The following RGS7 variants were observed in gnomAD, a reference collection of about 807,000 sequenced individuals.
RGS7 encodes regulator of G-protein signaling 7.
RGS7 carries 27 observed loss-of-function variants against 81.1 expected under a neutral mutation model. That is an observed-to-expected ratio of 0.33 (90% CI 0.25 to 0.46). RGS7 has a LOEUF of 0.46. Ranked by LOEUF, RGS7 falls within the 20% of genes least tolerant of loss-of-function variation. RGS7 has a pLI of 1.00. For missense variants in RGS7, 396 were observed against 607.4 expected (o/e 0.65, Z 3.66); for synonymous variants, 208 against 207.7 (o/e 1.00, Z -0.01).
At chr1:241,156,514 G>GA (rs1284720009) in intron 2 of RGS7, among the ~76,000 whole-genome samples, 2 of 130,882 alleles carry the variant, frequency 1.5e-5, no homozygotes, top group Admixed American at 9.1e-5. Flanking sequence ...TCAAAAAAAA[G>GA]AAAAAAAAGA....
At chr1:241,175,907 A>T (rs546400203) in intron 2 of RGS7, among the ~76,000 whole-genome samples, 2 of 152,358 alleles carry the variant, frequency 1.3e-5, no homozygotes, top group South Asian at 4.1e-4. Flanking sequence ...GAATAAGAAC[A>T]GCTAAACATT....
intron 2 of RGS7, among the ~76,000 whole-genome samples, chr1:241,315,663 G>C (rs546880852): frequency 6.6e-6 from 1 of 152,250 alleles, no homozygotes; most frequent in African/African-American, 2.4e-5. Flanking sequence ...TTTACTCCTT[G>C]TTTTCTGATT....
chr1:241,169,336 C>CTTTTTTTTTTTTTTT (rs57753661), intron 2 of RGS7, among the ~76,000 whole-genome samples: 1 of 74,274 alleles, frequency 1.3e-5, no homozygotes, highest in Non-Finnish European at 2.4e-5. Context: ...ATGTGTGTTT[C>CTTTTTTTTTTTTTTT]TTTTTTTTTT....
At chr1:241,332,973 G>A (rs1438279017) in intron 2 of RGS7, among the ~76,000 whole-genome samples, 1 of 152,180 alleles carries the variant, frequency 6.6e-6, no homozygotes, top group Non-Finnish European at 1.5e-5. Context: ...ATTTCACAAT[G>A]ATGAACAGTG....
intron 9 of RGS7, among the ~76,000 whole-genome samples, chr1:240,829,451 T>A (rs1420067116): frequency 6.6e-6 from 1 of 152,210 alleles, no homozygotes; most frequent in Admixed American, 6.5e-5. Flanking sequence ...CCCGGGGATT[T>A]TAATCTGCAG....
chr1:240,945,051 G>A (rs1318950349), intron 4 of RGS7, among the ~76,000 whole-genome samples: 2 of 152,186 alleles, frequency 1.3e-5, no homozygotes, highest in Admixed American at 6.5e-5. Context: ...TAAATGCAGC[G>A]GGGATCACTA....
intron 2 of RGS7, among the ~76,000 whole-genome samples, chr1:241,259,650 CAA>C (rs71571832): frequency 1.5e-4 from 6 of 39,908 alleles, no homozygotes; most frequent in Admixed American, 5.2e-4. Context: ...AACTCCGTCT[CAA>C]AAAAAAAAAA....
At chr1:240,801,344 CTT>C (rs1038936140) in intron 17 of RGS7, 109 bp downstream of exon 17, 1 of 723,400 alleles carries the variant, frequency 1.4e-6, no homozygotes, top group African/African-American at 1.8e-5. Flanking sequence ...AAAAGAAACA[CTT>C]TTGCTGTTAT....
chr1:241,354,794 G>A (rs2083456460), intron 2 of RGS7, among the ~76,000 whole-genome samples: 1 of 152,086 alleles, frequency 6.6e-6, no homozygotes, highest in Non-Finnish European at 1.5e-5. Flanking sequence ...ACCATTGTTA[G>A]TGTTAACTAA....
intron 6 of RGS7, among the ~76,000 whole-genome samples, chr1:240,897,557 T>C (rs1669296346): frequency 6.6e-6 from 1 of 152,214 alleles, no homozygotes; most frequent in East Asian, 1.9e-4. Context: ...TTTTTGTCTT[T>C]GTTTCTGTTT....
intron 6 of RGS7, among the ~76,000 whole-genome samples, chr1:240,907,918 C>T (rs1168786182): frequency 6.6e-6 from 1 of 151,956 alleles, no homozygotes; most frequent in Non-Finnish European, 1.5e-5. Flanking sequence ...ACATGCCATT[C>T]GTTTTGATTT....
At chr1:240,901,232 T>C (rs1669956049) in intron 6 of RGS7, among the ~76,000 whole-genome samples, 1 of 152,316 alleles carries the variant, frequency 6.6e-6, no homozygotes, top group South Asian at 2.1e-4. Context: ...CCCCGACCCC[T>C]TGTGCTTCCC....
chr1:241,004,416 A>T (rs974496933), intron 3 of RGS7, among the ~76,000 whole-genome samples: 2 of 152,180 alleles, frequency 1.3e-5, no homozygotes, highest in Non-Finnish European at 2.9e-5. Flanking sequence ...AACCTATTTG[A>T]ACAGTATCTG....
chr1:240,811,891 T>C (rs1558289464), intron 14 of RGS7, 27 bp downstream of exon 14: 1 of 1,589,270 alleles, frequency 6.3e-7, no homozygotes, highest in South Asian at 1.1e-5. Flanking sequence ...TTTCTCTGGC[T>C]TATAAGATCC....
chr1:241,208,196 G>T (rs1029979616), intron 2 of RGS7, among the ~76,000 whole-genome samples: 1 of 152,078 alleles, frequency 6.6e-6, no homozygotes, highest in African/African-American at 2.4e-5. Context: ...GAGCCACCGC[G>T]CCTGGACCAT....
chr1:241,202,819 A>G (rs894265107), intron 2 of RGS7, among the ~76,000 whole-genome samples: 1 of 152,080 alleles, frequency 6.6e-6, no homozygotes, highest in African/African-American at 2.4e-5. Flanking sequence ...TTTAGGGGAA[A>G]GGGGTTCTGG....
chr1:241,162,693 G>A (rs2069827557), intron 2 of RGS7, among the ~76,000 whole-genome samples: 1 of 152,158 alleles, frequency 6.6e-6, no homozygotes, highest in Non-Finnish European at 1.5e-5. Flanking sequence ...TTCCTTTGAA[G>A]AGGCAAGGAT....
chr1:241,116,825 T>C (rs901556996), intron 2 of RGS7, among the ~76,000 whole-genome samples: 1 of 152,192 alleles, frequency 6.6e-6, no homozygotes, highest in Non-Finnish European at 1.5e-5. Flanking sequence ...TTTGAAATTA[T>C]ATGATATATG....
intron 9 of RGS7, among the ~76,000 whole-genome samples, chr1:240,831,027 A>C (rs1361282782): frequency 2.0e-5 from 3 of 152,218 alleles, no homozygotes; most frequent in Non-Finnish European, 1.5e-5. Context: ...TTAATAAGAA[A>C]GCATTGATTT....
Sources: gnomAD v4.1 joint callset for allele counts (sites outside exome capture counted in the v4.1 genomes callset) on GRCh38, gnomAD v4.1.1 for gene constraint, MANE v1.5 for transcripts, NCBI Gene and HGNC (gene_info 2026-07-23, HGNC 2026-07-21) for gene names.